OTUD6B: variants seen among roughly 807,000 people sequenced by gnomAD.
OTUD6B encodes the protein deubiquitinase OTUD6B.
A neutral mutation model predicts 36.9 loss-of-function variants in OTUD6B; 41 were observed. That is an observed-to-expected ratio of 1.11 (90% CI 0.87 to 1.44). The LOEUF is 1.44. Ranked by LOEUF, OTUD6B falls within the 40% of genes most tolerant of loss-of-function variation. OTUD6B has a pLI of 0.00. For missense variants in OTUD6B, 356 were observed against 344.8 expected, an observed-to-expected ratio of 1.03 and a Z score of -0.26; for synonymous variants, 114 against 114.2, an observed-to-expected ratio of 1.00 and a Z score of 0.01.
chr8:91,083,939 C>T, intron 5 of OTUD6B, 69 bp from the exon 6 acceptor site: 1 of 1,533,848 alleles, frequency 6.5e-7, no homozygotes, highest in Admixed American at 2.1e-5. Context: ...GACTGGTTGC[C>T]CGTTCACACA....
rs765432606 is a variant in OTUD6B at position 91,084,101 on chromosome 8, C to A, written c.784C>A (p.Pro262Thr). The A allele has an allele frequency of 3.3e-6, 5 of 1,529,158 alleles. No homozygotes were observed. The highest frequency in any genetic ancestry group is 1.9e-5 in the Admixed American group (1 of 51,562). The allele number at this position is 1,529,158 out of a possible 1,614,324, so 94.7% of individuals were successfully genotyped here. A position where few individuals can be genotyped will look rare whatever the true frequency, so the allele number is the denominator to read the frequency against. The stretch of plus-strand genomic sequence containing the variant: ...AGTTGGTGAAGAATATTCAAAAAAA[C>A]CACTAATACTTGTGTAAGTACCTAG... ...IIVGEEYSKK[P>T]LILVYMRHAY... is the part of the protein sequence containing the mutation. Residue 262 changes from proline (P) to threonine (T), a missense_variant, in exon 6 of 7, where the codon CCA becomes ACA. By Grantham distance (38) the Pro-to-Thr change is conservative. Transcript: ENST00000404789.
Position 91,084,834 on chromosome 8 carries a change from G to C in OTUD6B, c.848G>C (p.Arg283Pro). The C allele has an allele frequency of 3.2e-6, 5 of 1,576,280 alleles. No homozygotes were observed. The South Asian group carries it at 5.7e-5, about 18-fold the overall frequency. Residue 283 changes from arginine (R) to proline (P), a missense_variant, in exon 7 of 7, where the codon CGG becomes CCG. Arg to Pro is a moderately radical substitution (Grantham distance 103). Transcript: ENST00000404789. Reference sequence around the variant, plus strand: ...GGAGAACATTATAATTCGGTTACACGGTTGGTAAACATAGTTACTGAAAAT... The same window carrying C: ...GGAGAACATTATAATTCGGTTACACCGTTGGTAAACATAGTTACTGAAAAT... The part of the protein sequence containing the change: ...GLGEHYNSVT[R>P]LVNIVTENCS
chr8:91,076,928 A>G (rs1360945415), intron 3 of OTUD6B, among the ~76,000 whole-genome samples: 1 of 152,082 alleles, frequency 6.6e-6, no homozygotes, highest in African/African-American at 2.4e-5. Flanking sequence ...TGATTCAGGT[A>G]ACTTAGAAAT....
intron 5 of OTUD6B, among the ~76,000 whole-genome samples, chr8:91,082,016 T>C (rs1347691439): frequency 6.6e-6 from 1 of 152,112 alleles, no homozygotes; most frequent in Non-Finnish European, 1.5e-5. Context: ...ACTTATACAT[T>C]TTTTTCATCT....
At chr8:91,071,043 G>C (rs1161281824) in intron 1 of OTUD6B, 95 bp from the exon 2 acceptor site, 12 of 1,516,810 alleles carry the variant, frequency 7.9e-6, no homozygotes, top group African/African-American at 1.4e-5. Flanking sequence ...TACTTTTTCT[G>C]TACCCTTCGC....
chr8:91,076,665 A>G, intron 3 of OTUD6B: 5 of 1,478,162 alleles, frequency 3.4e-6, no homozygotes. Flanking sequence ...TGGCCTTTGG[A>G]AATCTTTCTG....
intron 1 of OTUD6B, 89 bp from the exon 2 acceptor site, chr8:91,071,049 T>A: frequency 1.3e-6 from 2 of 1,558,736 alleles, no homozygotes; most frequent in Non-Finnish European, 1.7e-6. Context: ...TTCTGTACCC[T>A]TCGCCCGTTA....
At chr8:91,073,231 A>T (rs935418925) in intron 2 of OTUD6B, among the ~76,000 whole-genome samples, 2 of 152,196 alleles carry the variant, frequency 1.3e-5, no homozygotes, top group African/African-American at 4.8e-5. Flanking sequence ...CCTTATAGTT[A>T]AAAGTCTAGC....
chr8:91,084,287 T>C (rs1812966659), intron 6 of OTUD6B, among the ~76,000 whole-genome samples, 173 bp downstream of exon 6: 1 of 152,168 alleles, frequency 6.6e-6, no homozygotes, highest in South Asian at 2.1e-4. Context: ...GGTTATAACA[T>C]TTTAGGACTA....
At chr8:91,075,565 A>G (rs1303148008) in intron 3 of OTUD6B, among the ~76,000 whole-genome samples, 2 of 152,062 alleles carry the variant, frequency 1.3e-5, no homozygotes, top group Non-Finnish European at 2.9e-5. Flanking sequence ...TTTCCCTAAG[A>G]TACTGCACAA....
At chr8:91,081,096 A>C (rs1427893874) in intron 5 of OTUD6B, among the ~76,000 whole-genome samples, 1 of 151,664 alleles carries the variant, frequency 6.6e-6, no homozygotes, top group African/African-American at 2.4e-5. Flanking sequence ...CTAGTAGCTC[A>C]GCTGATCAAA....
Position 91,070,975 on chromosome 8 carries a change from A to G in OTUD6B, c.83-163A>G, listed in dbSNP as rs550148920. On this transcript the variant is annotated intron_variant, in intron 1 of 6. Coordinates refer to ENST00000404789, the MANE Select transcript of OTUD6B (RefSeq NM_016023.5). ...TTTTTTTTTTTTTGGTCTCAGCTTT[A>G]TCTGGGATCTTCTCTCTCTGTAGCT... 116 of 845,592 alleles carry G rather than the reference A, an allele frequency of 1.4e-4. No individual in the cohort carries two copies. In the African/African-American group the frequency reaches 2.1e-3, roughly 15 times the overall value. The allele number at this position is 845,592 out of a possible 1,614,324, so 52.4% of individuals were successfully genotyped here.
At chr8:91,083,551 A>T (rs1033653801) in intron 5 of OTUD6B, among the ~76,000 whole-genome samples, 1 of 152,156 alleles carries the variant, frequency 6.6e-6, no homozygotes, top group Non-Finnish European at 1.5e-5. Flanking sequence ...CCCAAATCAA[A>T]TTTTTTGAGG....
rs1004028895 is a variant in OTUD6B, at chr8:91,076,340, A to G, written c.316-2016A>G. 6 of 389,784 alleles carry G rather than the reference A, an allele frequency of 1.5e-5. 1 individual carries two copies. Among genetic ancestry groups the G allele is most frequent in the African/African-American group, 6.5e-5 (3 of 45,806 alleles). The allele number at this position is 389,784 out of a possible 1,614,324, so 24.1% of individuals were successfully genotyped here. A position where few individuals can be genotyped will look rare whatever the true frequency, so the allele number is the denominator to read the frequency against. Reference sequence around the variant, plus strand: ...TATAGCTGTAGAAACCAAAGTGCCTAGTGCTCTTGGGAAACTATATATTGC... The same window carrying G: ...TATAGCTGTAGAAACCAAAGTGCCTGGTGCTCTTGGGAAACTATATATTGC... On this transcript the variant is annotated intron_variant, in intron 3 of 6. Coordinates refer to ENST00000404789, the MANE Select transcript of OTUD6B (RefSeq NM_016023.5).
chr8:91,076,331 A>G (rs1812802225), intron 3 of OTUD6B: 1 of 323,294 alleles, frequency 3.1e-6, no homozygotes, highest in Admixed American at 6.5e-5. Flanking sequence ...TGTAGAAACC[A>G]AAGTGCCTAG....
Position 91,080,749 on chromosome 8 carries a change from A to T in OTUD6B, c.690+19A>T, listed in dbSNP as rs1190740249. 6.4e-7 allele frequency: 1 copy of T among 1,567,750 alleles called. No individual in the cohort carries two copies. The highest frequency in any genetic ancestry group is 1.2e-5 in the South Asian group (1 of 86,516). ...GCTTGAGGTAAGTTTGTAGTTATTC[A>T]TAGTGATTGTGGGTTGTTAAATTAT... On this transcript the variant is annotated intron_variant, in intron 5 of 6. Coordinates refer to ENST00000404789, the MANE Select transcript of OTUD6B (RefSeq NM_016023.5).
chr8:91,070,867 T>C (rs1024445635), intron 1 of OTUD6B: 1 of 190,840 alleles, frequency 5.2e-6, no homozygotes, highest in Non-Finnish European at 9.7e-6. Context: ...CCGGAAAGAT[T>C]TAAAACTGGC....
rs1276347553 is a variant in OTUD6B, at chr8:91,084,903, G to A, written c.*35G>A. The A allele has an allele frequency of 1.8e-6, 2 of 1,119,832 alleles. No individual in the cohort carries two copies. The highest frequency in any genetic ancestry group is 2.2e-5 in the Admixed American group (1 of 46,064). 69.4% of individuals were successfully genotyped at this position (1,119,832 alleles called of 1,614,324 possible). A position where few individuals can be genotyped will look rare whatever the true frequency, so the allele number is the denominator to read the frequency against. On this transcript the variant is annotated 3_prime_UTR_variant, in exon 7 of 7. Transcript: ENST00000404789. ...TGTTGTACAATTATGTTTTAATACA[G>A]TGTGCTGAACTGAGTATTTCTACCA...
intron 2 of OTUD6B, 97 bp downstream of exon 2, chr8:91,071,386 G>A: frequency 2.0e-6 from 2 of 988,996 alleles, no homozygotes; most frequent in Admixed American, 2.8e-5. Context: ...TTTTTGAGAC[G>A]GTGTCTCGCT....
Sources: allele counts gnomAD v4.1 joint callset (sites outside exome capture counted in the v4.1 genomes callset), GRCh38; gene constraint gnomAD v4.1.1; transcripts MANE v1.5; gene names NCBI Gene and HGNC (gene_info 2026-07-23, HGNC 2026-07-21).